The following SGCD variants were observed in gnomAD, a reference collection of about 807,000 sequenced individuals.
The protein encoded by SGCD is sarcoglycan delta.
A neutral mutation model predicts 36.6 loss-of-function variants in SGCD; 18 were observed. The ratio of observed to expected loss-of-function variants is 0.49; its 90% CI spans 0.34 to 0.73. The LOEUF is 0.73. SGCD is among the 30% of genes least tolerant of loss of function. The pLI, the probability that SGCD is intolerant of heterozygous loss-of-function variation, is 0.01. For synonymous variants in SGCD, 133 were observed against 130.6 expected (o/e 1.02, Z -0.12); for missense variants, 387 against 346.7 (o/e 1.12, Z -0.92).
chr5:156,126,289 T>G (rs1403539132), intron 3 of SGCD, among the ~76,000 whole-genome samples: 3 of 152,134 alleles, frequency 2.0e-5, no homozygotes, highest in Non-Finnish European at 4.4e-5. Context: ...ATTACTGAGG[T>G]TTTTTGGCTT....
chr5:156,033,245 A>T (rs926715781), intron 1 of SGCD, among the ~76,000 whole-genome samples: 5 of 152,152 alleles, frequency 3.3e-5, no homozygotes, highest in Admixed American at 2.0e-4. Flanking sequence ...AATTAAAAAA[A>T]TTTTAATATA....
chr5:156,440,198 T>G (rs1753423147), intron 3 of SGCD, among the ~76,000 whole-genome samples: 1 of 152,128 alleles, frequency 6.6e-6, no homozygotes, highest in African/African-American at 2.4e-5. Flanking sequence ...AATTTACCTA[T>G]TTCAGATATC....
intron 1 of SGCD, among the ~76,000 whole-genome samples, chr5:155,996,231 C>CTAAG (rs1758541627): frequency 1.3e-5 from 2 of 152,056 alleles, no homozygotes; most frequent in Non-Finnish European, 2.9e-5. Flanking sequence ...CACCCAGGTA[C>CTAAG]TAAGCATAGT....
At chr5:155,951,453 A>G (rs927117774) in intron 1 of SGCD, among the ~76,000 whole-genome samples, 3 of 152,158 alleles carry the variant, frequency 2.0e-5, no homozygotes, top group Non-Finnish European at 4.4e-5. Context: ...GATTTCATTT[A>G]TATAAAATAA....
chr5:156,337,420 C>CTCGT (rs1768411609), intron 2 of SGCD, among the ~76,000 whole-genome samples: 1 of 152,164 alleles, frequency 6.6e-6, no homozygotes, highest in Admixed American at 6.5e-5. Context: ...TTTTTCTCTA[C>CTCGT]TCGTTAGAAC....
chr5:156,059,590 C>A (rs371977407), intron 1 of SGCD, among the ~76,000 whole-genome samples: 1 of 144,806 alleles, frequency 6.9e-6, no homozygotes, highest in Admixed American at 6.9e-5. Flanking sequence ...TTTTAAGGCC[C>A]GCTGGCTTTG....
In SGCD at chr5:156,766,088, G is replaced by GAAA. The variant is rs1046357900; in HGVS notation, c.*6702_*6704dup. ...CCTGGGTTGTTAGCCTCACATTTAGGAAAAAATTGTAATACTCAGTTATCT... is the reference window on the plus strand; with the variant it reads ...CCTGGGTTGTTAGCCTCACATTTAGGAAAAAAAAATTGTAATACTCAGTTATCT... On this transcript the variant is annotated 3_prime_UTR_variant, in exon 9 of 9. Coordinates refer to ENST00000337851, the MANE Select transcript of SGCD (RefSeq NM_000337.6). The GAAA allele has an allele frequency of 5.3e-5, 8 of 150,618 alleles. No individual in the cohort carries two copies. Among genetic ancestry groups the GAAA allele is most frequent in the Non-Finnish European group, 7.4e-5 (5 of 67,864 alleles). The allele number at this position is 150,618 out of a possible 1,614,324, so 9.3% of individuals were successfully genotyped here.
At chr5:156,412,309 A>G (rs1772803063) in intron 3 of SGCD, among the ~76,000 whole-genome samples, 1 of 152,216 alleles carries the variant, frequency 6.6e-6, no homozygotes, top group Admixed American at 6.5e-5. Flanking sequence ...CAAAGTGTAA[A>G]ATTAGACCAG....
chr5:156,235,643 T>A (rs1330918234), intron 3 of SGCD, among the ~76,000 whole-genome samples: 3 of 152,226 alleles, frequency 2.0e-5, no homozygotes, highest in Non-Finnish European at 2.9e-5. Context: ...CTACAGATGC[T>A]TTTTGGTCTG....
the SGCD span, among the ~76,000 whole-genome samples, chr5:155,775,510 C>T: frequency 6.6e-6 from 1 of 152,108 alleles, no homozygotes. Context: ...CATGCTTTTT[C>T]CAACTCTATT....
At chr5:156,085,179 G>A (rs1419225108) in intron 1 of SGCD, among the ~76,000 whole-genome samples, 1 of 151,366 alleles carries the variant, frequency 6.6e-6, no homozygotes, top group Non-Finnish European at 1.5e-5. Context: ...TGTTGTTGTT[G>A]TTGTTGTTCT....
At chr5:155,907,947 G>T (rs954237256) in intron 1 of SGCD, among the ~76,000 whole-genome samples, 2 of 152,078 alleles carry the variant, frequency 1.3e-5, no homozygotes, top group African/African-American at 4.8e-5. Flanking sequence ...AACCAAGGCT[G>T]CCAACTTCAT....
At chr5:156,620,777 G>A (rs532810851) in intron 6 of SGCD, among the ~76,000 whole-genome samples, 2 of 152,312 alleles carry the variant, frequency 1.3e-5, no homozygotes, top group African/African-American at 4.8e-5. Context: ...TCATGTATCA[G>A]CATATAGTAA....
chr5:155,728,225 G>C, the SGCD span, among the ~76,000 whole-genome samples: 133 of 152,124 alleles, frequency 8.7e-4, 1 homozygote, highest in Non-Finnish European at 8.1e-4. Context: ...CCGCCAGCCG[G>C]AGCGCGCACA....
At chr5:156,599,118 A>T (rs766037097) in intron 6 of SGCD, among the ~76,000 whole-genome samples, 4 of 152,244 alleles carry the variant, frequency 2.6e-5, no homozygotes, top group Non-Finnish European at 5.9e-5. Context: ...TGGGTTGCAG[A>T]AATGAGCTTC....
intron 3 of SGCD, among the ~76,000 whole-genome samples, chr5:156,180,315 G>T (rs985865543): frequency 2.2e-4 from 34 of 152,080 alleles, no homozygotes; most frequent in African/African-American, 8.0e-4. Context: ...ATGAGATAAA[G>T]ATGCCACCTA....
chr5:155,930,370 G>T (rs968701722), intron 1 of SGCD, among the ~76,000 whole-genome samples: 2 of 152,198 alleles, frequency 1.3e-5, no homozygotes, highest in Admixed American at 1.3e-4. Context: ...TGAAGCAAAA[G>T]AAGTTTATCT....
At chr5:156,131,966 C>T (rs985115354) in intron 3 of SGCD, among the ~76,000 whole-genome samples, 1 of 152,126 alleles carries the variant, frequency 6.6e-6, no homozygotes, top group East Asian at 1.9e-4. Context: ...GTCTTGATTT[C>T]CACAGTACAA....
At chr5:156,589,999 C>A (rs1760658005) in intron 5 of SGCD, among the ~76,000 whole-genome samples, 1 of 152,112 alleles carries the variant, frequency 6.6e-6, no homozygotes, top group African/African-American at 2.4e-5. Flanking sequence ...TGTTGAGCAG[C>A]ACAATCAATG....
Sources: allele counts gnomAD v4.1 joint callset (sites outside exome capture counted in the v4.1 genomes callset), GRCh38; gene constraint gnomAD v4.1.1; transcripts MANE v1.5; gene names NCBI Gene and HGNC (gene_info 2026-07-23, HGNC 2026-07-21).